The following EPHB1 variants were observed in gnomAD, a reference collection of about 807,000 sequenced individuals.
EPHB1 encodes ephrin type-B receptor 1.
In EPHB1, 30 loss-of-function variants were observed where a neutral mutation model predicts 94.4. The ratio of observed to expected loss-of-function variants is 0.32; its 90% CI spans 0.24 to 0.43. The LOEUF is 0.43. Ranked by LOEUF, EPHB1 falls within the 20% of genes least tolerant of loss-of-function variation. The pLI is 1.00. For missense variants in EPHB1, 1,055 were observed against 1,308.3 expected (o/e 0.81, Z 2.99); for synonymous variants, 522 against 489.1 (o/e 1.07, Z -0.89).
In EPHB1 at chr3:135,093,686, C is replaced by T. The variant is rs577897779; in HGVS notation, c.806-12762C>T. Among the ~76,000 whole-genome samples the T allele has an allele frequency of 3.3e-5, 5 of 149,868 alleles. No homozygotes were observed. In the East Asian group the frequency reaches 9.8e-4, roughly 29 times the overall value. On this transcript the variant is annotated intron_variant, in intron 3 of 15. Coordinates refer to ENST00000398015, the MANE Select transcript of EPHB1 (RefSeq NM_004441.5). ...GCAGCAAGCTGAGATTACACCACTG[C>T]ACTCCAACCTGGGTAACAGAGTGAG...
At chr3:135,112,371 C>T (rs1939481703) in intron 4 of EPHB1, among the ~76,000 whole-genome samples, 2 of 152,096 alleles carry the variant, frequency 1.3e-5, no homozygotes, top group South Asian at 4.2e-4. Flanking sequence ...TGCATGTCTA[C>T]ACAATGAGGG....
At chr3:134,905,466 A>G (rs1018668709) in intron 1 of EPHB1, among the ~76,000 whole-genome samples, 7 of 152,244 alleles carry the variant, frequency 4.6e-5, no homozygotes, top group Admixed American at 1.3e-4. Context: ...AGCATTGCCA[A>G]CCAGGGGGCA....
At chr3:134,936,705 A>G (rs1160952801) in intron 2 of EPHB1, among the ~76,000 whole-genome samples, 8 of 152,352 alleles carry the variant, frequency 5.3e-5, no homozygotes, top group African/African-American at 1.7e-4. Flanking sequence ...GGCATGTCCA[A>G]TACATTTCCC....
intron 1 of EPHB1, among the ~76,000 whole-genome samples, chr3:134,868,350 T>G (rs2037423699): frequency 6.6e-6 from 1 of 152,180 alleles, no homozygotes; most frequent in Non-Finnish European, 1.5e-5. Context: ...TGGGTGGTAA[T>G]TTACCCTCAT....
chr3:135,127,250 G>A (rs956781667), intron 4 of EPHB1, among the ~76,000 whole-genome samples: 6 of 152,218 alleles, frequency 3.9e-5, no homozygotes, highest in Non-Finnish European at 1.5e-5. Context: ...TGCAACACGT[G>A]TTCACTTTTC....
intron 3 of EPHB1, among the ~76,000 whole-genome samples, chr3:135,105,903 G>A (rs1170579147): frequency 1.3e-5 from 2 of 152,222 alleles, no homozygotes; most frequent in Non-Finnish European, 2.9e-5. Context: ...ATGAATTTCA[G>A]CCCTTTGCCA....
intron 2 of EPHB1, among the ~76,000 whole-genome samples, chr3:134,944,774 A>T (rs944326066): frequency 2.1e-5 from 1 of 47,148 alleles, no homozygotes; most frequent in Admixed American, 2.3e-4. Context: ...GATAAAAGTC[A>T]GAAATTATCC....
intron 3 of EPHB1, among the ~76,000 whole-genome samples, chr3:135,100,301 A>G (rs11925366): frequency 0.059 from 8,988 of 152,212 alleles, 741 homozygotes; most frequent in African/African-American, 0.18. Context: ...GGCAGAGGTA[A>G]CACGCACCCT....
chr3:135,138,205 C>G (rs955335101), intron 5 of EPHB1, among the ~76,000 whole-genome samples: 4 of 152,142 alleles, frequency 2.6e-5, no homozygotes, highest in Non-Finnish European at 5.9e-5. Context: ...ACAACACAGA[C>G]ACAACCCATT....
intron 3 of EPHB1, among the ~76,000 whole-genome samples, chr3:135,015,156 G>T (rs1171724541): frequency 6.6e-6 from 1 of 152,046 alleles, no homozygotes; most frequent in African/African-American, 2.4e-5. Flanking sequence ...TGCTCATGGA[G>T]TCTGACTACA....
intron 3 of EPHB1, among the ~76,000 whole-genome samples, chr3:134,976,614 TCTC>T (rs1294806054): frequency 2.0e-5 from 3 of 152,164 alleles, no homozygotes; most frequent in African/African-American, 7.2e-5. Flanking sequence ...CGTCACCCCA[TCTC>T]CTCCTCTATG....
intron 3 of EPHB1, among the ~76,000 whole-genome samples, chr3:134,965,959 G>C (rs1332082408): frequency 6.6e-6 from 1 of 152,194 alleles, no homozygotes; most frequent in Non-Finnish European, 1.5e-5. Flanking sequence ...GGCCTCTTCA[G>C]ATCTTTTCCC....
At chr3:134,876,462 C>T (rs2037618765) in intron 1 of EPHB1, among the ~76,000 whole-genome samples, 1 of 152,178 alleles carries the variant, frequency 6.6e-6, no homozygotes, top group Non-Finnish European at 1.5e-5. Flanking sequence ...CTGCTGGATC[C>T]AAGTGCTCAG....
Position 134,896,221 on chromosome 3 carries a change from C to T in EPHB1, c.59-29595C>T, listed in dbSNP as rs1174845272. Among the ~76,000 whole-genome samples the T allele has an allele frequency of 5.3e-5, 8 of 151,794 alleles. No homozygotes were observed. In the East Asian group the frequency reaches 5.8e-4, roughly 11 times the overall value. The stretch of plus-strand genomic sequence containing the variant: ...CTGCTCACGGGCCCATAAGCTCCTT[C>T]GTGCCCTCCCTGCAGAAGTCATCTC... On this transcript the variant is annotated intron_variant, in intron 1 of 15. Transcript: ENST00000398015.
intron 3 of EPHB1, among the ~76,000 whole-genome samples, chr3:134,984,611 GGGCCCCAGAGAGGGAAGGGCCC>G (rs1559783064): frequency 6.6e-5 from 10 of 151,356 alleles, no homozygotes; most frequent in African/African-American, 2.2e-4. Flanking sequence ...GCCCTCACCT[GGGCCCCAGAGAGGGAAGGGCCC>G]TCACCTGGGC....
At chr3:135,202,441 A>G (rs1942783165) in intron 12 of EPHB1, among the ~76,000 whole-genome samples, 2 of 152,048 alleles carry the variant, frequency 1.3e-5, no homozygotes. Context: ...CAAAAAATCT[A>G]TCCCTCTTTC....
At chr3:134,998,151 G>T (rs936524140) in intron 3 of EPHB1, among the ~76,000 whole-genome samples, 2 of 152,126 alleles carry the variant, frequency 1.3e-5, no homozygotes, top group African/African-American at 4.8e-5. Flanking sequence ...AGTTCTTCTG[G>T]TCTGATGCAA....
chr3:135,075,510 G>A (rs1001611277), intron 3 of EPHB1, among the ~76,000 whole-genome samples: 1 of 152,166 alleles, frequency 6.6e-6, no homozygotes, highest in Admixed American at 6.5e-5. Context: ...TGGACCTGCT[G>A]AGGTATCTTA....
intron 4 of EPHB1, among the ~76,000 whole-genome samples, chr3:135,124,144 G>A (rs1327288414): frequency 6.6e-6 from 1 of 151,706 alleles, no homozygotes; most frequent in Non-Finnish European, 1.5e-5. Flanking sequence ...CTCAAAGAAG[G>A]AACCAAGTAC....
Sources: allele counts gnomAD v4.1 joint callset (sites outside exome capture counted in the v4.1 genomes callset), GRCh38; gene constraint gnomAD v4.1.1; transcripts MANE v1.5; gene names NCBI Gene and HGNC (gene_info 2026-07-23, HGNC 2026-07-21).